JAK1: variants seen among roughly 807,000 people sequenced by gnomAD.
The protein encoded by JAK1 is tyrosine-protein kinase JAK1.
Under a neutral mutation model 136.6 loss-of-function variants are expected in JAK1, and 16 were observed. That is an observed-to-expected ratio of 0.12 (90% CI 0.08 to 0.18). The LOEUF (loss-of-function observed/expected upper bound fraction) is 0.18. Among genes scored for constraint, JAK1 ranks in the 10% least tolerant of loss-of-function variants. The probability of loss-of-function intolerance (pLI) is 1.00; values close to 1 mark genes in which losing one functional copy is unlikely to be tolerated. For synonymous variants in JAK1, 492 were observed against 519.5 expected (o/e 0.95, Z 0.72); for missense variants, 859 against 1,450.1 (o/e 0.59, Z 6.62).
rs754433473 is a variant in JAK1 at position 64,860,155 on chromosome 1, G to A, written c.1284C>T (p.Ala428=). 1 of 1,604,346 alleles carries A rather than the reference G, an allele frequency of 6.2e-7. No individual in the cohort carries two copies. Among genetic ancestry groups the A allele is most frequent in the Admixed American group, 1.7e-5 (1 of 59,712 alleles). ...DAHHYLCTDV[A]PPLIVHNIQN... ...GTATGTTGTGGACGATCAACGGGGGGGCCACGTCGGTGCAGAGGTAATGAT... is the reference window on the plus strand; with the variant it reads ...GTATGTTGTGGACGATCAACGGGGGAGCCACGTCGGTGCAGAGGTAATGAT... The change falls in exon 9 of 25, where the codon GCC becomes GCT. Residue 428 remains alanine, a synonymous_variant. Coordinates refer to ENST00000342505, the MANE Select transcript of JAK1 (RefSeq NM_002227.4).
intron 2 of JAK1, among the ~76,000 whole-genome samples, chr1:65,040,833 C>T (rs1477141765): frequency 1.3e-5 from 2 of 152,112 alleles, no homozygotes; most frequent in African/African-American, 4.8e-5. Context: ...TGAAGGACCT[C>T]ACATTTCAGA....
At position 64,991,037 on chromosome 1, in the gene JAK1, C is replaced by G. The variant is rs139416312; in HGVS notation, c.-78+53443G>C. ...TAGACAAAAACTTTAAAACAATGCT[C>G]TTAAATATGCTCAAAGAGCTAAAGG... On this transcript the variant is annotated intron_variant, in intron 2 of 25. Coordinates refer to the JAK1 transcript ENST00000671954. Among the ~76,000 whole-genome samples, 1,381 of 150,366 alleles carry G rather than the reference C, an allele frequency of 9.2e-3. 25 individuals carry two copies. The highest frequency in any genetic ancestry group is 0.032 in the African/African-American group (1,317 of 41,008).
intron 1 of JAK1, among the ~76,000 whole-genome samples, chr1:64,916,328 G>A (rs186924243): frequency 4.3e-4 from 66 of 152,048 alleles, no homozygotes; most frequent in African/African-American, 1.4e-3. Flanking sequence ...AGGAGCTCTC[G>A]AATATTAAAA....
chr1:64,863,165 G>C (rs758352699), intron 8 of JAK1, among the ~76,000 whole-genome samples: 2 of 151,056 alleles, frequency 1.3e-5, no homozygotes, highest in Non-Finnish European at 2.9e-5. Flanking sequence ...CTAATATCCA[G>C]GATGCAGCAT....
intron 2 of JAK1, among the ~76,000 whole-genome samples, chr1:64,983,536 A>G (rs1483737071): frequency 6.6e-6 from 1 of 152,176 alleles, no homozygotes; most frequent in East Asian, 1.9e-4. Flanking sequence ...TAAAGAACAA[A>G]ATGGAGAAAT....
At chr1:64,878,567 A>ATATATATATATATATATATATATG in intron 4 of JAK1, among the ~76,000 whole-genome samples, 1 of 18,546 alleles carries the variant, frequency 5.4e-5, no homozygotes, top group South Asian at 1.5e-3. Context: ...GTGTGTATAT[A>ATATATATATATATATATATATATG]TATATATATA....
intron 1 of JAK1, among the ~76,000 whole-genome samples, chr1:65,052,118 ATTTT>A (rs71056073): frequency 5.3e-5 from 5 of 93,560 alleles, no homozygotes; most frequent in Non-Finnish European, 6.3e-5. Flanking sequence ...ACGCCTGGCT[ATTTT>A]TTTTTTTTTT....
chr1:64,954,152 T>C (rs1303961449), intron 1 of JAK1, among the ~76,000 whole-genome samples: 1 of 152,164 alleles, frequency 6.6e-6, no homozygotes, highest in Non-Finnish European at 1.5e-5. Flanking sequence ...CAAGTGACAA[T>C]CCAGGAGAAA....
At chr1:65,000,582 T>A (rs1474244490) in intron 2 of JAK1, among the ~76,000 whole-genome samples, 1 of 152,040 alleles carries the variant, frequency 6.6e-6, no homozygotes, top group South Asian at 2.1e-4. Flanking sequence ...TTTTAAGTTA[T>A]TCAATAGGGC....
At chr1:65,014,457 GGAAA>G (rs1348559327) in intron 2 of JAK1, among the ~76,000 whole-genome samples, 2 of 150,142 alleles carry the variant, frequency 1.3e-5, no homozygotes, top group African/African-American at 2.4e-5. Flanking sequence ...GGAAAGGAAA[GGAAA>G]GAAAGGAGAA....
At chr1:64,902,583 A>AGAGAGAGTGCGT in intron 1 of JAK1, among the ~76,000 whole-genome samples, 1 of 73,758 alleles carries the variant, frequency 1.4e-5, no homozygotes, top group Non-Finnish European at 2.4e-5. Context: ...AGAGAGAGAG[A>AGAGAGAGTGCGT]GTGTGTGTGT....
intron 2 of JAK1, among the ~76,000 whole-genome samples, chr1:64,977,531 T>C (rs1455729618): frequency 1.3e-5 from 2 of 151,184 alleles, no homozygotes; most frequent in Non-Finnish European, 2.9e-5. Flanking sequence ...CCTGGGTTCC[T>C]GCCATTCTCC....
chr1:64,860,112 G>T lies in JAK1; in HGVS notation c.1327C>A (p.Pro443Thr), dbSNP rs2101071953. The T allele has an allele frequency of 6.3e-7, 1 of 1,580,474 alleles. No individual in the cohort carries two copies. The change falls in exon 9 of 25, where the codon CCA becomes ACA. Residue 443 changes from proline to threonine, a missense_variant. Around this residue, in one of 4 missense-constraint regions of JAK1, gnomAD observed 409 missense variants for 753.8 expected, o/e 0.54. Coordinates refer to ENST00000342505, the MANE Select transcript of JAK1 (RefSeq NM_002227.4). ...TAAGGTTCTAGGACCAACCAGATTG[G>T]ACCATGACAGCCATTCTGTATGTTG... is the stretch of plus-strand genomic sequence containing the variant. ...VHNIQNGCHG[P>T]ICTEYAINKL...
chr1:64,904,211 T>A (rs1014316583), intron 1 of JAK1, among the ~76,000 whole-genome samples: 16 of 152,356 alleles, frequency 1.1e-4, no homozygotes, highest in Non-Finnish European at 2.2e-4. Flanking sequence ...AGTGACACAG[T>A]AATTGATTAA....
At chr1:65,051,807 A>T (rs1265240909) in intron 1 of JAK1, among the ~76,000 whole-genome samples, 1 of 152,248 alleles carries the variant, frequency 6.6e-6, no homozygotes, top group African/African-American at 2.4e-5. Context: ...ATACAGTAAT[A>T]GTCTAAATGC....
At chr1:65,063,893 A>AG in intron 1 of JAK1, among the ~76,000 whole-genome samples, 1 of 152,250 alleles carries the variant, frequency 6.6e-6, no homozygotes, top group Non-Finnish European at 1.5e-5. Flanking sequence ...TGTCCAATGA[A>AG]GTATATAATG....
Position 64,837,981 on chromosome 1 carries a change from C to G in JAK1, c.3091G>C (p.Asp1031His), listed in dbSNP as rs763865501. The G allele has an allele frequency of 1.2e-6, 2 of 1,614,054 alleles. No homozygotes were observed. The highest frequency in any genetic ancestry group is 2.7e-5 in the African/African-American group (2 of 74,922). ...TCCTTGACGGTGTAATACTCCTTAT[C>G]GGTTTCAATTGCTTTGGTTAAACCG... ...DFGLTKAIET[D>H]KEYYTVKDDR... The change falls in exon 22 of 25, where the codon GAT becomes CAT. Residue 1031 changes from aspartate to histidine, a missense_variant. Coordinates refer to ENST00000342505, the MANE Select transcript of JAK1 (RefSeq NM_002227.4).
At chr1:64,909,250 G>C (rs1645241225) in intron 1 of JAK1, among the ~76,000 whole-genome samples, 1 of 152,188 alleles carries the variant, frequency 6.6e-6, no homozygotes, top group Admixed American at 6.5e-5. Context: ...CTGCTCACAA[G>C]AGCTGCTGAC....
chr1:64,904,742 T>C (rs1228978826), intron 1 of JAK1, among the ~76,000 whole-genome samples: 8 of 110,252 alleles, frequency 7.3e-5, no homozygotes, highest in African/African-American at 2.0e-4. Flanking sequence ...CCCACACACA[T>C]ATATACACAC....
Sources: allele counts gnomAD v4.1 joint callset (sites outside exome capture counted in the v4.1 genomes callset), GRCh38; gene constraint gnomAD v4.1.1; regional missense constraint gnomAD v4.1.1; transcripts MANE v1.5; gene names NCBI Gene and HGNC (gene_info 2026-07-23, HGNC 2026-07-21).